COL22A1: variants seen among roughly 807,000 people sequenced by gnomAD.
COL22A1 encodes the protein collagen alpha-1(XXII) chain.
Under a neutral mutation model 248.9 loss-of-function variants are expected in COL22A1, and 221 were observed. That is an observed-to-expected ratio of 0.89 (90% CI 0.80 to 0.99). COL22A1 has a LOEUF of 0.99. Among genes scored for constraint, COL22A1 ranks in the 50% least tolerant of loss-of-function variants. COL22A1 has a pLI of 0.00. For missense variants in COL22A1, 2,240 were observed against 2,179.0 expected, an observed-to-expected ratio of 1.03 and a Z score of -0.56; for synonymous variants, 891 against 793.4, an observed-to-expected ratio of 1.12 and a Z score of -2.07.
At chr8:138,639,681 T>G (rs1296587872) in intron 47 of COL22A1, among the ~76,000 whole-genome samples, 2 of 152,190 alleles carry the variant, frequency 1.3e-5, no homozygotes, top group African/African-American at 2.4e-5. Flanking sequence ...GGTATGCAAA[T>G]ACTTTTAAAA....
intron 55 of COL22A1, among the ~76,000 whole-genome samples, chr8:138,614,511 G>A (rs746305162): frequency 9.2e-5 from 14 of 152,188 alleles, no homozygotes; most frequent in Non-Finnish European, 1.8e-4. Flanking sequence ...AAGTCAAATG[G>A]CTAAGATGGA....
At chr8:138,695,907 T>G (rs1242395583) in intron 32 of COL22A1, among the ~76,000 whole-genome samples, 1 of 152,070 alleles carries the variant, frequency 6.6e-6, no homozygotes, top group Non-Finnish European at 1.5e-5. Context: ...GTGGGGCCAG[T>G]GAACCAGTGT....
chr8:138,893,005 C>G (rs1825169374), intron 1 of COL22A1, among the ~76,000 whole-genome samples: 1 of 152,162 alleles, frequency 6.6e-6, no homozygotes, highest in Non-Finnish European at 1.5e-5. Flanking sequence ...ACAGACCCAG[C>G]TTGGAACGAC....
At chr8:138,892,468 C>A (rs527439861) in intron 1 of COL22A1, among the ~76,000 whole-genome samples, 3 of 152,168 alleles carry the variant, frequency 2.0e-5, no homozygotes, top group Admixed American at 6.5e-5. Flanking sequence ...GTTTCTGGAA[C>A]CTCCACACTC....
intron 62 of COL22A1, among the ~76,000 whole-genome samples, chr8:138,594,647 GA>G (rs1817373283): frequency 1.3e-5 from 2 of 152,222 alleles, no homozygotes; most frequent in Non-Finnish European, 2.9e-5. Flanking sequence ...GAGTAAGTGA[GA>G]TGATGCATGT....
At chr8:138,694,722 TC>T in intron 33 of COL22A1, 103 bp downstream of exon 33, 1 of 1,434,486 alleles carries the variant, frequency 7.0e-7, no homozygotes, top group Non-Finnish European at 9.7e-7. Flanking sequence ...TCAGTGTGGC[TC>T]CTGGGTGTGG....
chr8:138,812,789 G>C, intron 8 of COL22A1, 150 bp downstream of exon 8: 2 of 670,326 alleles, frequency 3.0e-6, no homozygotes, highest in Non-Finnish European at 5.4e-6. Context: ...GGCTCCCCCA[G>C]CCCATACCCT....
intron 12 of COL22A1, among the ~76,000 whole-genome samples, chr8:138,785,328 G>T (rs145286038): frequency 2.6e-5 from 4 of 152,320 alleles, no homozygotes; most frequent in African/African-American, 9.6e-5. Context: ...ACCCCTACCT[G>T]CCTCTTGCAC....
chr8:138,749,328 C>G (rs896170043), intron 22 of COL22A1, among the ~76,000 whole-genome samples: 1 of 152,150 alleles, frequency 6.6e-6, no homozygotes, highest in Admixed American at 6.5e-5. Flanking sequence ...CTTGCCTTAA[C>G]AAGAGTAAAT....
intron 22 of COL22A1, among the ~76,000 whole-genome samples, chr8:138,743,864 A>G (rs891070160): frequency 6.6e-6 from 1 of 152,144 alleles, no homozygotes; most frequent in Non-Finnish European, 1.5e-5. Context: ...GAAGCCTATA[A>G]ATTCAGAACA....
chr8:138,786,738 T>C (rs1266171470), intron 12 of COL22A1, among the ~76,000 whole-genome samples: 2 of 152,124 alleles, frequency 1.3e-5, no homozygotes, highest in Non-Finnish European at 2.9e-5. Context: ...ACCCTGTCTC[T>C]ACTAAAGATA....
intron 3 of COL22A1, among the ~76,000 whole-genome samples, chr8:138,873,750 A>C (rs1405190384): frequency 1.3e-5 from 2 of 151,720 alleles, no homozygotes; most frequent in East Asian, 3.9e-4. Flanking sequence ...TGCTTGTTGA[A>C]TGAATGAATG....
At chr8:138,868,083 G>A (rs1227946424) in intron 3 of COL22A1, among the ~76,000 whole-genome samples, 4 of 152,060 alleles carry the variant, frequency 2.6e-5, no homozygotes, top group African/African-American at 9.7e-5. Flanking sequence ...ATTTTACAGG[G>A]AAAACTAAAG....
chr8:138,798,138 G>A (rs1222637814), intron 11 of COL22A1, among the ~76,000 whole-genome samples: 2 of 142,336 alleles, frequency 1.4e-5, no homozygotes, highest in Non-Finnish European at 3.1e-5. Context: ...CAACAAATTT[G>A]TTGTTGTACA....
chr8:138,694,822 TCA>T lies in COL22A1; in HGVS notation c.2646+2_2646+3del. ...TGCGGGGGAAGGGGACACAAGAGACTCACCGGTTCCCCAGGCAGGCCTGGATC... is the reference window on the plus strand; with the variant it reads ...TGCGGGGGAAGGGGACACAAGAGACTCCGGTTCCCCAGGCAGGCCTGGATC... On this transcript the variant is annotated splice_donor_variant and splice_donor_region_variant and intron_variant, in intron 33 of 64. Transcript: ENST00000303045. LOFTEE classifies it high-confidence loss of function. 1 of 1,613,898 alleles carries T rather than the reference TCA, an allele frequency of 6.2e-7. No homozygotes were observed. The highest frequency in any genetic ancestry group is 8.5e-7 in the Non-Finnish European group (1 of 1,179,890).
At chr8:138,886,704 T>C (rs1824692227) in intron 1 of COL22A1, among the ~76,000 whole-genome samples, 1 of 152,120 alleles carries the variant, frequency 6.6e-6, no homozygotes, top group South Asian at 2.1e-4. Flanking sequence ...GGCTAAGCAG[T>C]TTTTGTCCAC....
intron 30 of COL22A1, among the ~76,000 whole-genome samples, chr8:138,710,016 T>A (rs1355964183): frequency 6.6e-6 from 1 of 152,168 alleles, no homozygotes; most frequent in African/African-American, 2.4e-5. Context: ...GGGAACAGTG[T>A]TACATTCCTA....
At chr8:138,694,707 T>C (rs2130933948) in intron 33 of COL22A1, 119 bp downstream of exon 33, 1 of 1,392,244 alleles carries the variant, frequency 7.2e-7, no homozygotes, top group Non-Finnish European at 1.0e-6. Context: ...AGGGCTGCCT[T>C]CCATTCAGTG....
At chr8:138,794,226 A>C in intron 12 of COL22A1, among the ~76,000 whole-genome samples, 1 of 152,140 alleles carries the variant, frequency 6.6e-6, no homozygotes, top group Non-Finnish European at 1.5e-5. Flanking sequence ...GTCTCTACTA[A>C]AAATACAAAA....
Sources: allele counts gnomAD v4.1 joint callset (sites outside exome capture counted in the v4.1 genomes callset), GRCh38; gene constraint gnomAD v4.1.1; transcripts MANE v1.5; gene names NCBI Gene and HGNC (gene_info 2026-07-23, HGNC 2026-07-21).